The following KIAA0586 variants were observed in gnomAD, a reference collection of about 807,000 sequenced individuals.
KIAA0586 encodes KIAA0586.
Under a neutral mutation model 169.8 loss-of-function variants are expected in KIAA0586, and 144 were observed. That is an observed-to-expected ratio of 0.85 (90% CI 0.74 to 0.97). The LOEUF is 0.97. Among genes scored for constraint, KIAA0586 ranks in the 50% least tolerant of loss-of-function variants. The pLI is 0.00. For missense variants in KIAA0586, 1,854 were observed against 1,823.0 expected (o/e 1.02, Z -0.31); for synonymous variants, 625 against 612.4 (o/e 1.02, Z -0.30).
chr14:58,498,183 T>G (rs2043296345), intron 26 of KIAA0586, among the ~76,000 whole-genome samples: 1 of 151,942 alleles, frequency 6.6e-6, no homozygotes, highest in South Asian at 2.1e-4. Context: ...GCTGATTTTT[T>G]GTGTTTTTTT....
At chr14:58,435,236 A>G (rs918896919) in intron 4 of KIAA0586, among the ~76,000 whole-genome samples, 6 of 152,228 alleles carry the variant, frequency 3.9e-5, no homozygotes, top group Non-Finnish European at 5.9e-5. Context: ...ATAATTCATG[A>G]TCTATTAATA....
the KIAA0586 span, among the ~76,000 whole-genome samples, chr14:58,561,853 G>C: frequency 6.6e-6 from 1 of 151,964 alleles, no homozygotes; most frequent in Admixed American, 6.6e-5. Flanking sequence ...CTCCTCCTCT[G>C]GAGACTAAAT....
chr14:58,457,340 C>T (rs961437283), intron 10 of KIAA0586, among the ~76,000 whole-genome samples: 4 of 152,110 alleles, frequency 2.6e-5, no homozygotes, highest in Non-Finnish European at 5.9e-5. Context: ...GCAATCTCGG[C>T]TTACTGCAAC....
At chr14:58,522,061 T>G in intron 29 of KIAA0586, 1 of 844,948 alleles carries the variant, frequency 1.2e-6, no homozygotes. Flanking sequence ...GATCAAATTT[T>G]TCACCAGATC....
At chr14:58,501,147 T>C (rs1340509587) in intron 27 of KIAA0586, among the ~76,000 whole-genome samples, 1 of 152,258 alleles carries the variant, frequency 6.6e-6, no homozygotes, top group East Asian at 1.9e-4. Flanking sequence ...CATGCAGATT[T>C]GCCAGAAATC....
chr14:58,502,112 C>G (rs541701538), intron 27 of KIAA0586, among the ~76,000 whole-genome samples: 1 of 152,162 alleles, frequency 6.6e-6, no homozygotes, highest in Non-Finnish European at 1.5e-5. Flanking sequence ...AGTAAGCAAT[C>G]AAGATGGAAA....
chr14:58,546,311 T>A (rs965652779), intron 30 of KIAA0586, among the ~76,000 whole-genome samples: 4 of 152,204 alleles, frequency 2.6e-5, no homozygotes, highest in African/African-American at 9.6e-5. Context: ...TTAAATTTCC[T>A]TATATGAAAG....
At chr14:58,448,303 A>G in intron 6 of KIAA0586, 37 bp from the exon 7 acceptor site, 1 of 1,268,774 alleles carries the variant, frequency 7.9e-7, no homozygotes, top group Non-Finnish European at 1.1e-6. Flanking sequence ...CTTTCAAATG[A>G]TATTTGAAAA....
At chr14:58,458,383 G>T (rs1182683069) in intron 11 of KIAA0586, 90 bp from the exon 12 acceptor site, 2 of 697,456 alleles carry the variant, frequency 2.9e-6, no homozygotes, top group Non-Finnish European at 4.9e-6. Flanking sequence ...AGGATAGCAG[G>T]TTCACAACTA....
chr14:58,493,024 T>C (rs1298042970), intron 26 of KIAA0586, among the ~76,000 whole-genome samples: 1 of 152,176 alleles, frequency 6.6e-6, no homozygotes, highest in Non-Finnish European at 1.5e-5. Context: ...TGAAGGTTTT[T>C]GGACAAGGGA....
chr14:58,553,691 C>T (rs2047229961), downstream of KIAA0586, among the ~76,000 whole-genome samples: 1 of 151,954 alleles, frequency 6.6e-6, no homozygotes, highest in South Asian at 2.1e-4. Flanking sequence ...AGTAGAAGTC[C>T]ATTGGTTTTA....
At chr14:58,457,621 T>C (rs2039979602) in intron 10 of KIAA0586, 138 bp from the exon 11 acceptor site, 2 of 592,672 alleles carry the variant, frequency 3.4e-6, no homozygotes, top group Non-Finnish European at 5.9e-6. Flanking sequence ...AGTATTCTTT[T>C]GTAAGTCTTC....
chr14:58,544,660 A>C (rs568428807), intron 30 of KIAA0586, among the ~76,000 whole-genome samples: 1 of 152,230 alleles, frequency 6.6e-6, no homozygotes, highest in East Asian at 1.9e-4. Flanking sequence ...GGCCTCATGT[A>C]TGTGTTCTTT....
chr14:58,461,034 CAAGTCTATGGA>C lies in KIAA0586; in HGVS notation c.1937_1947del (p.Val646AlafsTer11). 6.2e-7 allele frequency: 1 copy of C among 1,611,288 alleles called. No homozygotes were observed. Among genetic ancestry groups the C allele is most frequent in the Non-Finnish European group, 8.5e-7 (1 of 1,178,828 alleles). On this transcript the variant is annotated frameshift_variant, in exon 14 of 31. Transcript: ENST00000652326. LOFTEE classifies it high-confidence loss of function. ...AATACAAGATGAAGATTATATGTTA[CAAGTCTATGGA>C]AAGCCAGTTTATCAGGGCCATCGAA...
In KIAA0586 at chr14:58,510,876, A is replaced by C. The variant is rs1276798309; in HGVS notation, c.4324-1646A>C. Among the ~76,000 whole-genome samples, 5 of 152,160 alleles carry C rather than the reference A, an allele frequency of 3.3e-5. 1 individual carries two copies. In the South Asian group the frequency reaches 6.2e-4, roughly 19 times the overall value. ...TAAAGAAGCCATACCAAAAAAAAAA[A>C]ACACTGATTTTATTTATATAAAATT... On this transcript the variant is annotated intron_variant, in intron 28 of 30. Coordinates refer to ENST00000652326, the MANE Select transcript of KIAA0586 (RefSeq NM_001329943.3).
chr14:58,488,775 A>G lies in KIAA0586; in HGVS notation c.3682A>G (p.Ser1228Gly), dbSNP rs761946256. The G allele has an allele frequency of 7.7e-5, 125 of 1,613,694 alleles. No individual in the cohort carries two copies. Among genetic ancestry groups the G allele is most frequent in the Admixed American group, 1.7e-4 (10 of 59,986 alleles). The change falls in exon 24 of 31, where the codon AGC (serine) becomes GGC (glycine). Residue 1228 changes from serine (S) to glycine (G), a missense_variant. Ser to Gly is a moderately conservative substitution (Grantham distance 56). Coordinates refer to ENST00000652326, the MANE Select transcript of KIAA0586 (RefSeq NM_001329943.3). ...MPGSDSSTLE[S>G]TLSVTVTETE... ...AGGTTCTGATTCATCAACACTGGAG[A>G]GCACATTGAGTGTTACTGTCACTGA... is the stretch of plus-strand genomic sequence containing the variant.
intron 29 of KIAA0586, among the ~76,000 whole-genome samples, chr14:58,536,566 A>C (rs2046304476): frequency 6.6e-6 from 1 of 152,210 alleles, no homozygotes; most frequent in East Asian, 1.9e-4. Flanking sequence ...GTTTACTTTC[A>C]CTTGGCACCA....
chr14:58,498,524 C>A (rs1316208411), intron 26 of KIAA0586, among the ~76,000 whole-genome samples: 2 of 152,030 alleles, frequency 1.3e-5, no homozygotes, highest in Non-Finnish European at 2.9e-5. Context: ...TATTTTATTG[C>A]TATTTAATTG....
Position 58,460,001 on chromosome 14 carries a change from A to G in KIAA0586, c.1815A>G (p.Ile605Met). ...CAAGAAAACATTCTCAAAAGCAAAT[A>G]GAAGAGCATTTTAGAAATCTACCTA... is the stretch of plus-strand genomic sequence containing the variant. ...VIPRKHSQKQ[I>M]EEHFRNLPMR... The change falls in exon 13 of 31, where the codon ATA becomes ATG. Residue 605 changes from isoleucine (I) to methionine (M), a missense_variant. Ile to Met is a conservative substitution (Grantham distance 10). Coordinates refer to ENST00000652326, the MANE Select transcript of KIAA0586 (RefSeq NM_001329943.3). 2.0e-6 allele frequency: 3 copies of G among 1,534,924 alleles called. No homozygotes were observed. Among genetic ancestry groups the G allele is most frequent in the Non-Finnish European group, 2.6e-6 (3 of 1,146,156 alleles).
Sources: allele counts gnomAD v4.1 joint callset (sites outside exome capture counted in the v4.1 genomes callset), GRCh38; gene constraint gnomAD v4.1.1; transcripts MANE v1.5; gene names NCBI Gene and HGNC (gene_info 2026-07-23, HGNC 2026-07-21).